The following MPI variants were observed in gnomAD, a reference collection of about 807,000 sequenced individuals.
MPI encodes mannose phosphate isomerase, also known as mannose-6-phosphate isomerase.
A neutral mutation model predicts 40.1 loss-of-function variants in MPI; 33 were observed. That is an observed-to-expected ratio of 0.82 (90% CI 0.62 to 1.10). The LOEUF (loss-of-function observed/expected upper bound fraction) is 1.10, where lower values mean the gene tolerates loss of function less well. MPI is among the 50% of genes least tolerant of loss of function. The pLI is 0.00. For synonymous variants in MPI, 187 were observed against 207.4 expected, an observed-to-expected ratio of 0.90 and a Z score of 0.85; for missense variants, 514 against 524.1, an observed-to-expected ratio of 0.98 and a Z score of 0.19.
In MPI at chr15:74,902,201, A is replaced by C; in HGVS notation, c.*4471A>C. The C allele has an allele frequency of 5.0e-6, 2 of 398,748 alleles. No homozygotes were observed. Among genetic ancestry groups the C allele is most frequent in the Non-Finnish European group, 8.8e-6 (2 of 226,100 alleles). 24.7% of individuals were successfully genotyped at this position (398,748 alleles called of 1,614,324 possible). On this transcript the variant is annotated 3_prime_UTR_variant, in exon 8 of 8. Coordinates refer to ENST00000352410, the MANE Select transcript of MPI (RefSeq NM_002435.3). The stretch of plus-strand genomic sequence containing the variant: ...GTTTCTTTTTTGGATTGCCAGCTAT[A>C]ATAAACCATAAAGTGCTATTTTCTG...
intron 3 of MPI, among the ~76,000 whole-genome samples, 153 bp from the exon 4 acceptor site, chr15:74,892,508 A>G (rs977308110): frequency 2.6e-5 from 4 of 152,242 alleles, no homozygotes; most frequent in African/African-American, 9.6e-5. Flanking sequence ...AAGTTTCTGC[A>G]ACATGCTTTG....
intron 1 of MPI, 40 bp from the exon 2 acceptor site, chr15:74,890,487 T>C: frequency 9.9e-6 from 16 of 1,613,520 alleles, no homozygotes; most frequent in Non-Finnish European, 1.4e-5. Context: ...GGGTGGGGCC[T>C]GAGGAGTGGA....
At chr15:74,890,811 G>T in intron 2 of MPI, 157 bp downstream of exon 2, 1 of 982,222 alleles carries the variant, frequency 1.0e-6, no homozygotes, top group Admixed American at 2.0e-5. Context: ...TTATCAAAAA[G>T]AAGAGAGGTT....
rs886051482 is a variant in MPI at position 74,892,787 on chromosome 15, G to A, written c.472G>A (p.Val158Ile). The change falls in exon 4 of 8, where the codon GTA becomes ATA. Residue 158 changes from valine to isoleucine, a missense_variant. Coordinates refer to ENST00000352410, the MANE Select transcript of MPI (RefSeq NM_002435.3). ...TGGCTTCCGGCCAGTTGAGGAGATT[G>A]TAACCTTTCTAAAGAGTAAGTTGGG... ...LCGFRPVEEIVTFLKKVPEFQ... is the reference protein window; with the variant it reads ...LCGFRPVEEIITFLKKVPEFQ... The A allele has an allele frequency of 4.3e-6, 7 of 1,614,280 alleles. No homozygotes were observed. In the South Asian group the frequency reaches 7.7e-5, roughly 18 times the overall value.
chr15:74,896,433 G>A, intron 6 of MPI, 108 bp downstream of exon 6: 1 of 1,306,816 alleles, frequency 7.7e-7, no homozygotes, highest in Non-Finnish European at 1.1e-6. Context: ...CAAGGACCTT[G>A]CAGCTCTGAC....
intron 5 of MPI, among the ~76,000 whole-genome samples, chr15:74,895,129 CT>C (rs71140110): frequency 0.4 from 43,905 of 110,390 alleles, 6,354 homozygotes; most frequent in Non-Finnish European, 0.45. Context: ...CCACACCTGG[CT>C]TTTTTTTTTT....
Position 74,893,301 on chromosome 15 carries a change from G to A in MPI, c.651G>A (p.Val217=), listed in dbSNP as rs762051658. 3 of 1,614,238 alleles carry A rather than the reference G, an allele frequency of 1.9e-6. No individual in the cohort carries two copies. The highest frequency in any genetic ancestry group is 2.5e-6 in the Non-Finnish European group (3 of 1,180,028). ...TGGTGGAACAGCTCAACCTGTTGGT[G>A]AAGCGGATCTCCCAGCAAGGTGGAC... ...KVVVEQLNLL[V]KRISQQAAAG... is the part of the protein sequence containing the mutation. The change falls in exon 5 of 8, where the codon GTG becomes GTA. Residue 217 remains valine, a synonymous_variant. Coordinates refer to ENST00000352410, the MANE Select transcript of MPI (RefSeq NM_002435.3).
At position 74,896,891 on chromosome 15, in the gene MPI, C is replaced by T. The variant is rs930871382; in HGVS notation, c.845-120C>T. On this transcript the variant is annotated intron_variant, in intron 6 of 7. Transcript: ENST00000352410. ...CTTAACCCCATTCTCCCAGAGAATACAATTCATGGAAATTTTTACCTAACT... is the reference window on the plus strand; with the variant it reads ...CTTAACCCCATTCTCCCAGAGAATATAATTCATGGAAATTTTTACCTAACT... 6 of 898,182 alleles carry T rather than the reference C, an allele frequency of 6.7e-6. No homozygotes were observed. In the Admixed American group the frequency reaches 1.1e-4, roughly 16 times the overall value. 55.6% of individuals were successfully genotyped at this position (898,182 alleles called of 1,614,324 possible).
In MPI at chr15:74,898,080, G is replaced by A. The variant is rs1448369172; in HGVS notation, c.*350G>A. On this transcript the variant is annotated 3_prime_UTR_variant, in exon 8 of 8. Transcript: ENST00000352410. ...ATTAGCTCAGCATCTGTCAGAGCAA[G>A]AGACCAGGTAATTTCTAAGAACAGG... is the stretch of plus-strand genomic sequence containing the variant. The A allele has an allele frequency of 2.6e-6, 1 of 387,376 alleles. No individual in the cohort carries two copies. The highest frequency in any genetic ancestry group is 2.1e-5 in the African/African-American group (1 of 48,184). The allele number at this position is 387,376 out of a possible 1,614,324, so 24.0% of individuals were successfully genotyped here.
Position 74,901,134 on chromosome 15 carries a change from G to A in MPI, c.*3404G>A, listed in dbSNP as rs1364285372. 1 of 152,166 alleles carries A rather than the reference G, an allele frequency of 6.6e-6. No individual in the cohort carries two copies. The highest frequency in any genetic ancestry group is 2.4e-5 in the African/African-American group (1 of 41,402). The allele number at this position is 152,166 out of a possible 1,614,324, so 9.4% of individuals were successfully genotyped here. A position where few individuals can be genotyped will look rare whatever the true frequency, so the allele number is the denominator to read the frequency against. ...CCTATACCCCAATCCCGACTATTGG[G>A]CTGGGAACCCTGTCTATGCCCATTC... On this transcript the variant is annotated 3_prime_UTR_variant, in exon 8 of 8. Coordinates refer to ENST00000352410, the MANE Select transcript of MPI (RefSeq NM_002435.3).
At position 74,902,212 on chromosome 15, in the gene MPI, A is replaced by G. The variant is rs941772149; in HGVS notation, c.*4482A>G. 4 of 398,608 alleles carry G rather than the reference A, an allele frequency of 1.0e-5. No individual in the cohort carries two copies. The highest frequency in any genetic ancestry group is 8.2e-5 in the African/African-American group (4 of 48,630). The allele number at this position is 398,608 out of a possible 1,614,324, so 24.7% of individuals were successfully genotyped here. A position where few individuals can be genotyped will look rare whatever the true frequency, so the allele number is the denominator to read the frequency against. ...GGATTGCCAGCTATAATAAACCATA[A>G]AGTGCTATTTTCTGCCTCCATTCAA... On this transcript the variant is annotated 3_prime_UTR_variant, in exon 8 of 8. Coordinates refer to ENST00000352410, the MANE Select transcript of MPI (RefSeq NM_002435.3).
At chr15:74,894,038 CAGTGTG>C (rs1567267036) in intron 5 of MPI, among the ~76,000 whole-genome samples, 10 of 66,764 alleles carry the variant, frequency 1.5e-4, no homozygotes, top group East Asian at 6.1e-4. Context: ...TTTTTCTGTT[CAGTGTG>C]TGTGTGTGTG....
chr15:74,893,295 G>C lies in MPI; in HGVS notation c.645G>C (p.Leu215=). 1.2e-6 allele frequency: 2 copies of C among 1,614,250 alleles called. No individual in the cohort carries two copies. The highest frequency in any genetic ancestry group is 1.7e-6 in the Non-Finnish European group (2 of 1,180,032). The change falls in exon 5 of 8, where the codon CTG becomes CTC. Residue 215 remains leucine (L), a synonymous_variant. Transcript: ENST00000352410. ...EKKVVVEQLN[L]LVKRISQQAA... The stretch of plus-strand genomic sequence containing the variant: ...AGGTGGTGGTGGAACAGCTCAACCT[G>C]TTGGTGAAGCGGATCTCCCAGCAAG...
intron 1 of MPI, 82 bp from the exon 2 acceptor site, chr15:74,890,445 C>G: frequency 1.9e-6 from 3 of 1,590,184 alleles, no homozygotes; most frequent in Non-Finnish European, 2.6e-6. Context: ...CAGTGAGCAC[C>G]CCCAGCTCTT....
Position 74,896,315 on chromosome 15 carries a change from C to T in MPI, c.834C>T (p.Tyr278=). The T allele has an allele frequency of 1.2e-6, 2 of 1,614,168 alleles. No homozygotes were observed. Among genetic ancestry groups the T allele is most frequent in the South Asian group, 1.1e-5 (1 of 91,088 alleles). The change falls in exon 6 of 8, where the codon TAC becomes TAT. Residue 278 remains tyrosine, a synonymous_variant. Transcript: ENST00000352410. ...TGGAGGCCAACGTACCCCATGCCTA[C>T]CTGAAAGGAGGTGAGCCACATTTCA... The part of the protein sequence containing the change: ...MFLEANVPHA[Y]LKGDCVECMA...
rs759385120 is a variant in MPI at position 74,890,087 on chromosome 15, G to C, written c.14G>C (p.Arg5Pro). Residue 5 changes from arginine to proline, a missense_variant and splice_region_variant, in exon 1 of 8, where the codon CGA (arginine) becomes CCA (proline). By Grantham distance (103) the Arg-to-Pro change is moderately radical (BLOSUM62 -2). Transcript: ENST00000352410. MAAPRVFPLSCAVQQ... is the reference protein window; with the variant it reads MAAPPVFPLSCAVQQ... ...CAGGGGGCGAGCATGGCCGCTCCGCGAGGTGAGCCATTGGCTGGGGTGTCG... is the reference window on the plus strand; with the variant it reads ...CAGGGGGCGAGCATGGCCGCTCCGCCAGGTGAGCCATTGGCTGGGGTGTCG... 3.7e-6 allele frequency: 6 copies of C among 1,608,188 alleles called. No homozygotes were observed. Among genetic ancestry groups the C allele is most frequent in the Non-Finnish European group, 5.1e-6 (6 of 1,179,974 alleles).
chr15:74,890,303 C>T, intron 1 of MPI: 1 of 852,440 alleles, frequency 1.2e-6, no homozygotes, highest in South Asian at 1.5e-5. Flanking sequence ...CCTTCTGCTC[C>T]CTCCCCGCCA....
Position 74,897,594 on chromosome 15 carries a change from C to T in MPI, c.1136C>T (p.Ala379Val), listed in dbSNP as rs374702385. ...ILLMVQGTVIASTPTTQTPIP... is the reference protein window; with the variant it reads ...ILLMVQGTVIVSTPTTQTPIP... ...CTGATGGTACAGGGGACAGTAATAG[C>T]CAGCACACCCACAACCCAGACACCA... The change falls in exon 8 of 8, where the codon GCC becomes GTC. Residue 379 changes from alanine to valine, a missense_variant. Coordinates refer to ENST00000352410, the MANE Select transcript of MPI (RefSeq NM_002435.3). 1.3e-5 allele frequency: 21 copies of T among 1,614,064 alleles called. No individual in the cohort carries two copies. Among genetic ancestry groups the T allele is most frequent in the South Asian group, 1.1e-5 (1 of 91,088 alleles).
rs892958531 is a variant in MPI, at chr15:74,899,776, C to T, written c.*2046C>T. 3.9e-5 allele frequency: 6 copies of T among 152,254 alleles called. No individual in the cohort carries two copies. The highest frequency in any genetic ancestry group is 9.6e-5 in the African/African-American group (4 of 41,456). The allele number at this position is 152,254 out of a possible 1,614,324, so 9.4% of individuals were successfully genotyped here. A position where few individuals can be genotyped will look rare whatever the true frequency, so the allele number is the denominator to read the frequency against. On this transcript the variant is annotated 3_prime_UTR_variant, in exon 8 of 8. Coordinates refer to ENST00000352410, the MANE Select transcript of MPI (RefSeq NM_002435.3). Reference sequence around the variant, plus strand: ...TAGCTGGGACTACAGGCGCCTGCCACCACACCCAGCTAAGTTTTTGTATTT... The same window carrying T: ...TAGCTGGGACTACAGGCGCCTGCCATCACACCCAGCTAAGTTTTTGTATTT...
Sources: gnomAD v4.1 joint callset for allele counts (sites outside exome capture counted in the v4.1 genomes callset) on GRCh38, gnomAD v4.1.1 for gene constraint, MANE v1.5 for transcripts, NCBI Gene and HGNC (gene_info 2026-07-23, HGNC 2026-07-21) for gene names.